MLLT3: variants seen among roughly 807,000 people sequenced by gnomAD.
MLLT3 encodes MLLT3 super elongation complex subunit.
A neutral mutation model predicts 53.2 loss-of-function variants in MLLT3; 4 were observed. That is an observed-to-expected ratio of 0.08 (90% CI 0.04 to 0.17). The LOEUF (loss-of-function observed/expected upper bound fraction) is 0.17. MLLT3 is among the 10% of genes least tolerant of loss of function. The pLI is 1.00. For synonymous variants in MLLT3, 283 were observed against 230.6 expected, an observed-to-expected ratio of 1.23 and a Z score of -2.06; for missense variants, 569 against 684.0, an observed-to-expected ratio of 0.83 and a Z score of 1.87.
Position 20,498,266 on chromosome 9 carries a change from A to AAAAAG in MLLT3, c.194-41481_194-41480insCTTTT, listed in dbSNP as rs760352616. On this transcript the variant is annotated intron_variant, in intron 2 of 10. Transcript: ENST00000380338. ...AAAAAAAAAAAAAAAAAAAAAAAAA[A>AAAAAG]GTTCTTCTAGCTGTTCTACCTTTAC... Among the ~76,000 whole-genome samples the AAAAAG allele has an allele frequency of 2.0e-4, 20 of 98,350 alleles. 4 individuals are homozygous for AAAAAG. The highest frequency in any genetic ancestry group is 8.9e-4 in the Admixed American group (8 of 9,032). 64.5% of individuals were successfully genotyped at this position (98,350 alleles called of 152,430 possible). A position where few individuals can be genotyped will look rare whatever the true frequency, so the allele number is the denominator to read the frequency against.
chr9:20,547,720 G>A (rs1031203144), intron 2 of MLLT3, among the ~76,000 whole-genome samples: 2 of 151,174 alleles, frequency 1.3e-5, no homozygotes, highest in African/African-American at 4.8e-5. Context: ...GGAGGTGGAA[G>A]CAGATAGATC....
chr9:20,472,029 A>G (rs888170999), intron 2 of MLLT3, among the ~76,000 whole-genome samples: 5 of 152,226 alleles, frequency 3.3e-5, no homozygotes, highest in Non-Finnish European at 5.9e-5. Flanking sequence ...AAGTTCTTTT[A>G]CAAATATGGT....
chr9:20,461,679 T>C (rs931144632), intron 2 of MLLT3, among the ~76,000 whole-genome samples: 2 of 152,136 alleles, frequency 1.3e-5, no homozygotes, highest in Admixed American at 6.5e-5. Context: ...ATTTAAACTT[T>C]AGAAGTATTA....
intron 2 of MLLT3, among the ~76,000 whole-genome samples, chr9:20,508,014 C>T (rs902727912): frequency 1.3e-5 from 2 of 152,062 alleles, no homozygotes; most frequent in Admixed American, 6.6e-5. Context: ...TTAAGATATT[C>T]AAATGTATAT....
rs1338362908 is a variant in MLLT3 at position 20,502,069 on chromosome 9, G to A, written c.194-45283C>T. Among the ~76,000 whole-genome samples, 15 of 101,356 alleles carry A rather than the reference G, an allele frequency of 1.5e-4. No homozygotes were observed. In the East Asian group the frequency reaches 4.7e-3, roughly 32 times the overall value. 66.5% of individuals were successfully genotyped at this position (101,356 alleles called of 152,430 possible). On this transcript the variant is annotated intron_variant, in intron 2 of 10. Transcript: ENST00000380338. ...GCACTCCAGCCTGGGCAACAAGAGC[G>A]AAACTCCATCTCAAAAAAAAAAAAG... is the stretch of plus-strand genomic sequence containing the variant.
chr9:20,359,620 G>A (rs548140405), intron 8 of MLLT3, among the ~76,000 whole-genome samples: 3 of 152,128 alleles, frequency 2.0e-5, no homozygotes, highest in Admixed American at 6.5e-5. Context: ...TAAACTATAA[G>A]AGATCTTTGC....
At chr9:20,373,374 T>G (rs1450967157) in intron 5 of MLLT3, among the ~76,000 whole-genome samples, 1 of 152,186 alleles carries the variant, frequency 6.6e-6, no homozygotes, top group Non-Finnish European at 1.5e-5. Context: ...TTCTACAGAG[T>G]ATTACTTTTG....
At position 20,448,339 on chromosome 9, in the gene MLLT3, C is replaced by T; in HGVS notation, c.277-73G>A. On this transcript the variant is annotated intron_variant, in intron 3 of 10. Coordinates refer to ENST00000380338, the MANE Select transcript of MLLT3 (RefSeq NM_004529.4). The surrounding 1 kb of genome is among the most constrained non-coding windows in gnomAD (Gnocchi z 4.0). ...GTGAAATTTTAAAAGCAAAAATTTA[C>T]TCCTCATAAGAAATAGAAAAGAACT... 2 of 1,429,160 alleles carry T rather than the reference C, an allele frequency of 1.4e-6. No individual in the cohort carries two copies. The highest frequency in any genetic ancestry group is 1.9e-6 in the Non-Finnish European group (2 of 1,032,260). 88.5% of individuals were successfully genotyped at this position (1,429,160 alleles called of 1,614,324 possible).
intron 3 of MLLT3, among the ~76,000 whole-genome samples, chr9:20,450,481 C>T (rs1823811469): frequency 6.6e-6 from 1 of 152,136 alleles, no homozygotes; most frequent in African/African-American, 2.4e-5. Flanking sequence ...ACTACCTTTC[C>T]TATATTTCTT....
At chr9:20,482,860 G>A (rs1193356406) in intron 2 of MLLT3, among the ~76,000 whole-genome samples, 2 of 152,134 alleles carry the variant, frequency 1.3e-5, no homozygotes, top group East Asian at 3.8e-4. Context: ...TATACCTGTT[G>A]TTTCTTACAT....
intron 2 of MLLT3, among the ~76,000 whole-genome samples, chr9:20,481,229 T>C (rs1824654078): frequency 6.6e-6 from 1 of 152,240 alleles, no homozygotes; most frequent in Non-Finnish European, 1.5e-5. Flanking sequence ...TTTTTCCTAA[T>C]GATGGACTCA....
chr9:20,348,509 A>G (rs1018856120), intron 10 of MLLT3, among the ~76,000 whole-genome samples: 4 of 152,198 alleles, frequency 2.6e-5, no homozygotes, highest in African/African-American at 9.6e-5. Flanking sequence ...ATGGAAGAAA[A>G]GAAAGACAAG....
chr9:20,457,738 C>A (rs1448942856), intron 2 of MLLT3, among the ~76,000 whole-genome samples: 1 of 152,122 alleles, frequency 6.6e-6, no homozygotes, highest in East Asian at 1.9e-4. Context: ...GCTTTTATTT[C>A]TCATGGAGTT....
intron 2 of MLLT3, among the ~76,000 whole-genome samples, chr9:20,557,402 AT>A (rs1278948577): frequency 6.6e-6 from 1 of 152,156 alleles, no homozygotes; most frequent in African/African-American, 2.4e-5. Flanking sequence ...TATAATCAAC[AT>A]TACCTGATGG....
chr9:20,608,614 A>G (rs575305909), intron 2 of MLLT3, among the ~76,000 whole-genome samples: 3 of 152,042 alleles, frequency 2.0e-5, no homozygotes, highest in Admixed American at 6.5e-5. Context: ...GCAAATACTC[A>G]TAGTAACATT....
In MLLT3 at chr9:20,423,605, G is replaced by C. The variant is rs373562035; in HGVS notation, c.421-9180C>G. ...AGGAAGGAGGATCACTTGAGCCCAG[G>C]GGTTCGAGACCAGCCTGGGCAACAC... is the stretch of plus-strand genomic sequence containing the variant. On this transcript the variant is annotated intron_variant, in intron 4 of 10. Transcript: ENST00000380338. Among the ~76,000 whole-genome samples, 5 of 151,650 alleles carry C rather than the reference G, an allele frequency of 3.3e-5. No individual in the cohort carries two copies. The East Asian group carries it at 7.8e-4, about 24-fold the overall frequency.
chr9:20,545,194 A>T (rs1818754950), intron 2 of MLLT3, among the ~76,000 whole-genome samples: 1 of 152,156 alleles, frequency 6.6e-6, no homozygotes, highest in Non-Finnish European at 1.5e-5. Flanking sequence ...AAAGATAAAT[A>T]AACAAAATGT....
intron 4 of MLLT3, among the ~76,000 whole-genome samples, chr9:20,441,437 C>T (rs2118835183): frequency 6.6e-6 from 1 of 152,216 alleles, no homozygotes; most frequent in East Asian, 1.9e-4. Flanking sequence ...ACAATTTTGA[C>T]TTTCTACTTA....
At chr9:20,379,735 T>C (rs1196426508) in intron 5 of MLLT3, among the ~76,000 whole-genome samples, 1 of 151,988 alleles carries the variant, frequency 6.6e-6, no homozygotes, top group Non-Finnish European at 1.5e-5. Context: ...TACTCACCCA[T>C]TCACTCCAGT....
Sources: allele counts gnomAD v4.1 joint callset (sites outside exome capture counted in the v4.1 genomes callset), GRCh38; gene constraint gnomAD v4.1.1; non-coding constraint Gnocchi (gnomAD v3.1); transcripts MANE v1.5; gene names NCBI Gene and HGNC (gene_info 2026-07-23, HGNC 2026-07-21).